TRAPPC11: variants seen among roughly 807,000 people sequenced by gnomAD.
TRAPPC11 encodes foie gras homolog.
TRAPPC11 carries 104 observed loss-of-function variants against 151.2 expected under a neutral mutation model. The ratio of observed to expected loss-of-function variants is 0.69; its 90% CI spans 0.59 to 0.81. The LOEUF (loss-of-function observed/expected upper bound fraction) is 0.81, where lower values mean the gene tolerates loss of function less well. TRAPPC11 is among the 30% of genes least tolerant of loss of function. The probability of loss-of-function intolerance (pLI) is 0.00; values close to 1 mark genes in which losing one functional copy is unlikely to be tolerated. For missense variants in TRAPPC11, 1,230 were observed against 1,349.6 expected (o/e 0.91, Z 1.39); for synonymous variants, 456 against 472.3 (o/e 0.97, Z 0.45).
rs373483889 is a variant in TRAPPC11, at chr4:183,686,879, A to C, written c.1893+131A>C. ...TAACAAATGAACTTTGGTAAGGTCTATTCAAAAATATATCTCCAGGGCCGG... is the reference window on the plus strand; with the variant it reads ...TAACAAATGAACTTTGGTAAGGTCTCTTCAAAAATATATCTCCAGGGCCGG... On this transcript the variant is annotated intron_variant, in intron 18 of 29. Transcript: ENST00000334690. The C allele has an allele frequency of 1.3e-5, 14 of 1,093,098 alleles. No homozygotes were observed. The Admixed American group carries it at 1.8e-4, about 14-fold the overall frequency. 67.7% of individuals were successfully genotyped at this position (1,093,098 alleles called of 1,614,324 possible).
At chr4:183,669,935 T>C (rs1561030744) in intron 5 of TRAPPC11, among the ~76,000 whole-genome samples, 1 of 152,182 alleles carries the variant, frequency 6.6e-6, no homozygotes, top group Non-Finnish European at 1.5e-5. Flanking sequence ...AAGGAGTACA[T>C]TGTCAAAATA....
At chr4:183,671,476 C>T (rs1479508628) in intron 5 of TRAPPC11, among the ~76,000 whole-genome samples, 2 of 152,182 alleles carry the variant, frequency 1.3e-5, no homozygotes, top group African/African-American at 2.4e-5. Context: ...ACTGCTGCTC[C>T]TGCTTCTGCT....
chr4:183,663,733 GTTGT>G (rs1734684102), intron 1 of TRAPPC11, 110 bp from the exon 2 acceptor site: 16 of 567,848 alleles, frequency 2.8e-5, no homozygotes, highest in Admixed American at 3.4e-5. Context: ...ATGAATATGA[GTTGT>G]TTTTTTTTTT....
chr4:183,684,312 G>C lies in TRAPPC11; in HGVS notation c.1374G>C (p.Gln458His). ...CPRMKSHLMV[Q>H]MGEEYYYAKD... ...TCTTTTTTTCCTTTATAGTGGTTCA[G>C]ATGGGAGAGGAATATTATTACGCAA... Residue 458 changes from glutamine to histidine, a missense_variant, in exon 14 of 30, where the codon CAG (glutamine) becomes CAC (histidine). Gln to His is a conservative substitution (Grantham distance 24). Transcript: ENST00000334690. 8 of 1,613,756 alleles carry C rather than the reference G, an allele frequency of 5.0e-6. No individual in the cohort carries two copies. Among genetic ancestry groups the C allele is most frequent in the Non-Finnish European group, 5.9e-6 (7 of 1,179,706 alleles).
chr4:183,680,027 T>G lies in TRAPPC11; in HGVS notation c.966-93T>G, dbSNP rs1735596352. On this transcript the variant is annotated intron_variant, in intron 9 of 29. Coordinates refer to ENST00000334690, the MANE Select transcript of TRAPPC11 (RefSeq NM_021942.6). ...CATCAATAGCACCATTTTAACACAG[T>G]CTGCTGAGGTTAAGTTTCCCAGGAT... 3.0e-5 allele frequency: 31 copies of G among 1,026,268 alleles called. No individual in the cohort carries two copies. In the South Asian group the frequency reaches 4.9e-4, roughly 16 times the overall value. The allele number at this position is 1,026,268 out of a possible 1,614,324, so 63.6% of individuals were successfully genotyped here. A position where few individuals can be genotyped will look rare whatever the true frequency, so the allele number is the denominator to read the frequency against.
chr4:183,663,256 C>T lies in TRAPPC11; in HGVS notation c.-21-591C>T, dbSNP rs182490142. 5.1e-4 allele frequency among the ~76,000 whole-genome samples: 77 copies of T among 152,050 alleles called. 1 individual carries two copies. In the East Asian group the frequency reaches 0.011, roughly 21 times the overall value. On this transcript the variant is annotated intron_variant, in intron 1 of 29. Coordinates refer to ENST00000334690, the MANE Select transcript of TRAPPC11 (RefSeq NM_021942.6). ...AATTTTTTGTTTTTTGTTTTTGAGA[C>T]AGAGTCTCCCTCTGTCATCCAGGCT...
Position 183,693,001 on chromosome 4 carries a change from A to G in TRAPPC11, c.2091A>G (p.Arg697=). 6.2e-7 allele frequency: 1 copy of G among 1,613,388 alleles called. No homozygotes were observed. Among genetic ancestry groups the G allele is most frequent in the Non-Finnish European group, 8.5e-7 (1 of 1,179,680 alleles). ...VDLALGNETG[R]CVVLNWQGGG... ...TTGCTCTGGGCAATGAGACGGGAAG[A>G]TGTGTGGTTTTAAATTGGCAGGGAG... Residue 697 remains arginine, a synonymous_variant, in exon 20 of 30, where the codon AGA becomes AGG. Coordinates refer to ENST00000334690, the MANE Select transcript of TRAPPC11 (RefSeq NM_021942.6).
intron 5 of TRAPPC11, among the ~76,000 whole-genome samples, chr4:183,670,313 T>G (rs560339326): frequency 1.3e-5 from 2 of 152,296 alleles, no homozygotes; most frequent in South Asian, 4.1e-4. Context: ...ATTGGAGAAG[T>G]TTGCTGATCA....
At chr4:183,694,074 A>G (rs1736404367) in intron 22 of TRAPPC11, 36 bp downstream of exon 22, 2 of 1,605,922 alleles carry the variant, frequency 1.2e-6, no homozygotes, top group Non-Finnish European at 1.7e-6. Flanking sequence ...GAGGAAATCA[A>G]TTAGTTTGTA....
intron 27 of TRAPPC11, among the ~76,000 whole-genome samples, chr4:183,705,622 C>T (rs1456159744): frequency 2.0e-5 from 3 of 152,154 alleles, no homozygotes. Flanking sequence ...TCCCTCCCCG[C>T]ATCTCTTCCT....
At chr4:183,706,076 A>ACACG (rs1201676852) in intron 27 of TRAPPC11, 1 of 148,460 alleles carries the variant, frequency 6.7e-6, no homozygotes, top group Non-Finnish European at 1.5e-5. Flanking sequence ...GAACACACAC[A>ACACG]CACACACACA....
chr4:183,697,804 A>C lies in TRAPPC11; in HGVS notation c.2820A>C (p.Thr940=). The change falls in exon 25 of 30, where the codon ACA becomes ACC. Residue 940 remains threonine (T), a synonymous_variant. Coordinates refer to ENST00000334690, the MANE Select transcript of TRAPPC11 (RefSeq NM_021942.6). ...TCCAGCTTGCTCCATCCATGACCAC[A>C]GTGGACCAGCTCGAGTCTCAAGTGG... The part of the protein sequence containing the change: ...SELQLAPSMT[T]VDQLESQVDN... 1 of 1,613,896 alleles carries C rather than the reference A, an allele frequency of 6.2e-7. No homozygotes were observed.
chr4:183,698,145 A>T (rs1736638288), intron 25 of TRAPPC11, among the ~76,000 whole-genome samples: 1 of 152,012 alleles, frequency 6.6e-6, no homozygotes, highest in Admixed American at 6.6e-5. Flanking sequence ...TTTTTTTCTC[A>T]TTAACTCTTA....
At chr4:183,661,429 T>C (rs7684337) in intron 1 of TRAPPC11, among the ~76,000 whole-genome samples, 19 of 137,002 alleles carry the variant, frequency 1.4e-4, no homozygotes, top group Non-Finnish European at 2.3e-4. Flanking sequence ...TGGAGTGCAG[T>C]GGCGCGATCT....
intron 1 of TRAPPC11, among the ~76,000 whole-genome samples, chr4:183,661,528 T>C (rs1029198242): frequency 9.3e-5 from 14 of 150,960 alleles, no homozygotes; most frequent in East Asian, 3.9e-4. Context: ...CCCACCACCA[T>C]ACTCGGCTAA....
intron 26 of TRAPPC11, among the ~76,000 whole-genome samples, chr4:183,702,334 ACCCT>A (rs1736840753): frequency 6.7e-6 from 1 of 148,422 alleles, no homozygotes; most frequent in African/African-American, 2.6e-5. Flanking sequence ...ACAGAGCGAG[ACCCT>A]GTTTAAAAAA....
intron 18 of TRAPPC11, 150 bp from the exon 19 acceptor site, chr4:183,691,166 C>A: frequency 2.0e-6 from 1 of 499,578 alleles, no homozygotes. Flanking sequence ...GGATAAATGC[C>A]TCTATTTGGC....
Position 183,674,680 on chromosome 4 carries a change from A to AT in TRAPPC11, c.561-32dup, listed in dbSNP as rs548972663. The AT allele has an allele frequency of 4.1e-4, 520 of 1,267,180 alleles. 2 individuals are homozygous for AT. The African/African-American group carries it at 6.9e-3, about 17-fold the overall frequency. The allele number at this position is 1,267,180 out of a possible 1,614,324, so 78.5% of individuals were successfully genotyped here. ...AAAGTTTGGTTTAAAATAATTCAAT[A>AT]TGTAAATGCTTGTTTGTTTTTGTTT... On this transcript the variant is annotated intron_variant, in intron 5 of 29. Coordinates refer to ENST00000334690, the MANE Select transcript of TRAPPC11 (RefSeq NM_021942.6).
At position 183,686,820 on chromosome 4, in the gene TRAPPC11, G is replaced by T. The variant is rs1290591481; in HGVS notation, c.1893+72G>T. 3 of 1,511,396 alleles carry T rather than the reference G, an allele frequency of 2.0e-6. No homozygotes were observed. In the African/African-American group the frequency reaches 4.2e-5, roughly 21 times the overall value. The allele number at this position is 1,511,396 out of a possible 1,614,324, so 93.6% of individuals were successfully genotyped here. ...GCTTATGTTAAACTAGATAAAATGAGCTTAGTGAATTTTATGTCTTAATGG... is the reference window on the plus strand; with the variant it reads ...GCTTATGTTAAACTAGATAAAATGATCTTAGTGAATTTTATGTCTTAATGG... On this transcript the variant is annotated intron_variant, in intron 18 of 29. Transcript: ENST00000334690.
Sources: allele counts gnomAD v4.1 joint callset (sites outside exome capture counted in the v4.1 genomes callset), GRCh38; gene constraint gnomAD v4.1.1; transcripts MANE v1.5; gene names NCBI Gene and HGNC (gene_info 2026-07-23, HGNC 2026-07-21).